The following PLCB4 variants were observed in gnomAD, a reference collection of about 807,000 sequenced individuals.
PLCB4 encodes the protein phospholipase C beta 4, also known as 1-phosphatidylinositol 4,5-bisphosphate phosphodiesterase beta-4.
PLCB4 carries 77 observed loss-of-function variants against 178.8 expected under a neutral mutation model. The observed-to-expected ratio is 0.43, with a 90% CI of 0.36 to 0.52. PLCB4 has a LOEUF of 0.52. Ranked by LOEUF, PLCB4 falls within the 20% of genes least tolerant of loss-of-function variation. PLCB4 has a pLI of 0.00. For missense variants in PLCB4, 1,024 were observed against 1,453.4 expected, an observed-to-expected ratio of 0.70 and a Z score of 4.80; for synonymous variants, 496 against 490.8, an observed-to-expected ratio of 1.01 and a Z score of -0.14.
chr20:9,316,607 A>G (rs1758070079), intron 4 of PLCB4, among the ~76,000 whole-genome samples: 2 of 152,176 alleles, frequency 1.3e-5, no homozygotes, highest in Admixed American at 1.3e-4. Flanking sequence ...GTTAAGGTGG[A>G]TGGGTCGAAG....
intron 35 of PLCB4, among the ~76,000 whole-genome samples, chr20:9,466,010 C>T (rs1032949186): frequency 2.6e-5 from 4 of 152,208 alleles, no homozygotes; most frequent in African/African-American, 9.6e-5. Flanking sequence ...AAGCTGGAGG[C>T]ATCATGCTAC....
intron 4 of PLCB4, among the ~76,000 whole-genome samples, chr20:9,313,703 T>C (rs923914376): frequency 6.6e-6 from 1 of 152,230 alleles, no homozygotes; most frequent in Non-Finnish European, 1.5e-5. Flanking sequence ...AGAAACCTGT[T>C]GGTGCCACTT....
In PLCB4 at chr20:9,479,041, A is replaced by G. The variant is rs761390098; in HGVS notation, c.*32A>G. 4.8e-6 allele frequency: 7 copies of G among 1,465,712 alleles called. No homozygotes were observed. The highest frequency in any genetic ancestry group is 6.7e-6 in the Non-Finnish European group (7 of 1,046,980). 90.8% of individuals were successfully genotyped at this position (1,465,712 alleles called of 1,614,324 possible). On this transcript the variant is annotated 3_prime_UTR_variant, in exon 40 of 40. Transcript: ENST00000378473. ...AAACCCACAAAGCATCAAAAGACTC[A>G]CTCACAAACTTCTGAACACAAACTC...
At chr20:9,163,185 A>G (rs1197236932) in intron 2 of PLCB4, among the ~76,000 whole-genome samples, 5 of 152,136 alleles carry the variant, frequency 3.3e-5, no homozygotes, top group Non-Finnish European at 7.4e-5. Context: ...GAAACTAACT[A>G]AATTGGGAGA....
intron 39 of PLCB4, 122 bp downstream of exon 39, chr20:9,476,875 T>G: frequency 1.5e-6 from 1 of 666,632 alleles, no homozygotes. Flanking sequence ...GGTTTGGATT[T>G]AAAAGCTTGA....
chr20:9,315,819 G>A (rs2094892196), intron 4 of PLCB4, among the ~76,000 whole-genome samples: 1 of 152,052 alleles, frequency 6.6e-6, no homozygotes, highest in African/African-American at 2.4e-5. Context: ...TGTAGTCCCA[G>A]CAACTCAGGA....
chr20:9,185,508 A>G (rs1358210553), intron 2 of PLCB4, among the ~76,000 whole-genome samples: 1 of 151,990 alleles, frequency 6.6e-6, no homozygotes, highest in Non-Finnish European at 1.5e-5. Flanking sequence ...TTTCACCTGG[A>G]TGACTGGTCT....
chr20:9,443,228 C>G (rs2042217028), intron 30 of PLCB4, among the ~76,000 whole-genome samples: 1 of 152,094 alleles, frequency 6.6e-6, no homozygotes, highest in South Asian at 2.1e-4. Flanking sequence ...TGCTTAAATG[C>G]TAAGATTGAA....
intron 1 of PLCB4, among the ~76,000 whole-genome samples, chr20:9,072,702 C>T (rs1050447127): frequency 2.6e-5 from 4 of 152,032 alleles, no homozygotes; most frequent in South Asian, 2.1e-4. Flanking sequence ...TGGAAGCTCA[C>T]GACTTTGGAT....
intron 2 of PLCB4, among the ~76,000 whole-genome samples, chr20:9,145,808 A>G (rs2092587961): frequency 6.6e-6 from 1 of 152,102 alleles, no homozygotes; most frequent in East Asian, 1.9e-4. Context: ...AAATGTTAAT[A>G]TCAGGTAAAT....
At chr20:9,470,765 G>T (rs1000033742) in intron 36 of PLCB4, among the ~76,000 whole-genome samples, 2 of 152,184 alleles carry the variant, frequency 1.3e-5, no homozygotes, top group African/African-American at 4.8e-5. Flanking sequence ...CAGTGATCAA[G>T]TCAGGGCATT....
chr20:9,361,393 G>T (rs1392100757), intron 7 of PLCB4, among the ~76,000 whole-genome samples: 1 of 152,140 alleles, frequency 6.6e-6, no homozygotes, highest in Admixed American at 6.5e-5. Context: ...GACAAATTCT[G>T]TATGGTTCCA....
chr20:9,217,805 T>G (rs987237659), intron 3 of PLCB4, among the ~76,000 whole-genome samples: 1 of 152,232 alleles, frequency 6.6e-6, no homozygotes, highest in African/African-American at 2.4e-5. Flanking sequence ...TTTTCAGTCC[T>G]GTGCAGATTT....
At chr20:9,396,636 A>T (rs1318112328) in intron 19 of PLCB4, among the ~76,000 whole-genome samples, 1 of 152,226 alleles carries the variant, frequency 6.6e-6, no homozygotes, top group African/African-American at 2.4e-5. Context: ...TGTTGGTTAT[A>T]CAATGCCTTG....
intron 7 of PLCB4, among the ~76,000 whole-genome samples, chr20:9,349,779 C>T (rs993056208): frequency 2.6e-5 from 4 of 152,198 alleles, no homozygotes; most frequent in South Asian, 4.1e-4. Flanking sequence ...CACCTTTTGG[C>T]CCCTGGGAGA....
intron 2 of PLCB4, among the ~76,000 whole-genome samples, chr20:9,181,480 T>C (rs1184962477): frequency 1.3e-5 from 2 of 152,190 alleles, no homozygotes; most frequent in Non-Finnish European, 2.9e-5. Context: ...AGGTGCCTTA[T>C]AAACAAAAGC....
rs191388495 is a variant in PLCB4 at position 9,258,576 on chromosome 20, G to T, written c.-16+41124G>T. Among the ~76,000 whole-genome samples the T allele has an allele frequency of 2.0e-3, 301 of 152,040 alleles. 1 individual carries two copies. The Middle Eastern group carries it at 0.041, about 21-fold the overall frequency. On this transcript the variant is annotated intron_variant, in intron 3 of 39. Transcript: ENST00000378473. ...CTAAAAATACCAAAATTAGCCGGGTGTGGTGGCGTGTGCCTGTAGTCTCAG... is the reference window on the plus strand; with the variant it reads ...CTAAAAATACCAAAATTAGCCGGGTTTGGTGGCGTGTGCCTGTAGTCTCAG...
At chr20:9,314,374 C>T (rs1568571003) in intron 4 of PLCB4, among the ~76,000 whole-genome samples, 1 of 151,952 alleles carries the variant, frequency 6.6e-6, no homozygotes, top group African/African-American at 2.4e-5. Context: ...CAGTCAGTCA[C>T]ACATATGGAG....
chr20:9,343,709 G>A (rs753136932), intron 7 of PLCB4, among the ~76,000 whole-genome samples: 2 of 151,958 alleles, frequency 1.3e-5, no homozygotes, highest in African/African-American at 2.4e-5. Context: ...CTCCTCTACC[G>A]GTAAGTCCCA....
Sources: gnomAD v4.1 joint callset for allele counts (sites outside exome capture counted in the v4.1 genomes callset) on GRCh38, gnomAD v4.1.1 for gene constraint, MANE v1.5 for transcripts, NCBI Gene and HGNC (gene_info 2026-07-23, HGNC 2026-07-21) for gene names.